HDGFL3: variants seen among roughly 807,000 people sequenced by gnomAD.
HDGFL3 encodes HDGF like 3.
HDGFL3 carries 6 observed loss-of-function variants against 27.6 expected under a neutral mutation model. That is an observed-to-expected ratio of 0.22 (90% CI 0.12 to 0.43). HDGFL3 has a LOEUF of 0.43. Ranked by LOEUF, HDGFL3 falls within the 20% of genes least tolerant of loss-of-function variation. HDGFL3 has a pLI of 1.00. For synonymous variants in HDGFL3, 88 were observed against 88.9 expected, an observed-to-expected ratio of 0.99 and a Z score of 0.05; for missense variants, 207 against 250.1, an observed-to-expected ratio of 0.83 and a Z score of 1.16.
downstream of HDGFL3, chr15:83,126,890 T>C (rs2035803418): frequency 6.5e-7 from 1 of 1,532,764 alleles, no homozygotes; most frequent in East Asian, 2.3e-5. Context: ...AAATTAATTT[T>C]CTTTTTAAAA....
chr15:83,143,349 T>C (rs554963574), intron 5 of HDGFL3, among the ~76,000 whole-genome samples: 52 of 151,830 alleles, frequency 3.4e-4, no homozygotes, highest in African/African-American at 1.3e-3. Flanking sequence ...CTTTGGGAGG[T>C]TGAGGCGGGC....
chr15:83,160,557 A>T (rs868238418), intron 2 of HDGFL3, among the ~76,000 whole-genome samples: 3 of 140,286 alleles, frequency 2.1e-5, no homozygotes, highest in Non-Finnish European at 4.7e-5. Flanking sequence ...TGGGGGGGGA[A>T]CAATATTTGG....
At chr15:83,195,781 GA>G (rs906945628) in intron 1 of HDGFL3, among the ~76,000 whole-genome samples, 6 of 151,870 alleles carry the variant, frequency 4.0e-5, no homozygotes, top group East Asian at 1.9e-4. Context: ...TGAAAAAAGG[GA>G]AAAAAATCTC....
At chr15:83,188,190 C>G (rs1438963609) in intron 1 of HDGFL3, among the ~76,000 whole-genome samples, 1 of 152,146 alleles carries the variant, frequency 6.6e-6, no homozygotes, top group Non-Finnish European at 1.5e-5. Flanking sequence ...TACTGGCCAT[C>G]AAGATTTGCC....
rs2151377740 is a variant in HDGFL3 at position 83,128,078 on chromosome 15, CAAAT to C, written c.*11188_*11191del. The C allele has an allele frequency of 6.6e-6, 1 of 152,276 alleles. No individual in the cohort carries two copies. Among genetic ancestry groups the C allele is most frequent in the South Asian group, 2.1e-4 (1 of 4,828 alleles). The allele number at this position is 152,276 out of a possible 1,614,324, so 9.4% of individuals were successfully genotyped here. On this transcript the variant is annotated 3_prime_UTR_variant, in exon 6 of 6. Coordinates refer to ENST00000299633, the MANE Select transcript of HDGFL3 (RefSeq NM_016073.4). ...CATTTTTACAAGATAATTAGCAAAA[CAAAT>C]CAATCTTCTGAACAAGGAAGAAAAT... is the stretch of plus-strand genomic sequence containing the variant.
rs1303864821 is a variant in HDGFL3, at chr15:83,129,491, A to G, written c.*9779T>C. The G allele has an allele frequency of 2.6e-5, 4 of 152,116 alleles. No homozygotes were observed. Among genetic ancestry groups the G allele is most frequent in the Admixed American group, 6.5e-5 (1 of 15,280 alleles). The allele number at this position is 152,116 out of a possible 1,614,324, so 9.4% of individuals were successfully genotyped here. ...TAATATCTTTTGTAATAGCTCTGGG[A>G]AAAAAACCCCAATTTAAAGATGAGG... On this transcript the variant is annotated 3_prime_UTR_variant, in exon 6 of 6. Coordinates refer to ENST00000299633, the MANE Select transcript of HDGFL3 (RefSeq NM_016073.4).
intron 1 of HDGFL3, among the ~76,000 whole-genome samples, chr15:83,182,422 G>GC (rs1172278636): frequency 2.0e-5 from 3 of 152,282 alleles, no homozygotes; most frequent in Non-Finnish European, 2.9e-5. Flanking sequence ...TCTGGAAATA[G>GC]CCCAGGTGTC....
In HDGFL3 at chr15:83,132,627, C is replaced by T. The variant is rs771516155; in HGVS notation, c.*6643G>A. 6.6e-6 allele frequency: 1 copy of T among 152,108 alleles called. No homozygotes were observed. The highest frequency in any genetic ancestry group is 1.5e-5 in the Non-Finnish European group (1 of 68,034). 9.4% of individuals were successfully genotyped at this position (152,108 alleles called of 1,614,324 possible). On this transcript the variant is annotated 3_prime_UTR_variant, in exon 6 of 6. Coordinates refer to ENST00000299633, the MANE Select transcript of HDGFL3 (RefSeq NM_016073.4). ...CAGGCTGGTCTCAAACTCCTGGACT[C>T]AAGTGACCCTCCCGCCTTGGCATCC...
chr15:83,116,626 GC>G (rs2034682352), intron 3 of HDGFL3, among the ~76,000 whole-genome samples: 1 of 152,346 alleles, frequency 6.6e-6, no homozygotes, highest in African/African-American at 2.4e-5. Flanking sequence ...AATACAGGCA[GC>G]TCTGGGAAGG....
chr15:83,175,975 GCA>G (rs2037305266), intron 1 of HDGFL3, among the ~76,000 whole-genome samples: 1 of 152,250 alleles, frequency 6.6e-6, no homozygotes, highest in Admixed American at 6.5e-5. Context: ...TTCTGGTTCT[GCA>G]CAGACAGTAA....
At chr15:83,192,242 T>G (rs542445325) in intron 1 of HDGFL3, 44 of 453,884 alleles carry the variant, frequency 9.7e-5, no homozygotes, top group Non-Finnish European at 1.8e-4. Context: ...GTGCCTGACC[T>G]GTAACTCACC....
At chr15:83,178,111 G>C (rs2037335013) in intron 1 of HDGFL3, among the ~76,000 whole-genome samples, 1 of 152,160 alleles carries the variant, frequency 6.6e-6, no homozygotes, top group East Asian at 1.9e-4. Context: ...TATTTGCTTT[G>C]AACTATAATA....
chr15:83,163,966 C>A (rs762148040), intron 2 of HDGFL3, 33 bp downstream of exon 2: 9 of 1,384,194 alleles, frequency 6.5e-6, no homozygotes, highest in Non-Finnish European at 9.3e-6. Context: ...CAGAGTCAAG[C>A]TAGAGCTGTT....
At chr15:83,174,226 C>T (rs528178858) in intron 1 of HDGFL3, among the ~76,000 whole-genome samples, 2 of 151,986 alleles carry the variant, frequency 1.3e-5, no homozygotes, top group Admixed American at 6.6e-5. Context: ...GTTTTTCTTC[C>T]TACTTTAATT....
At chr15:83,164,703 T>C (rs1320371586) in intron 1 of HDGFL3, among the ~76,000 whole-genome samples, 2 of 152,210 alleles carry the variant, frequency 1.3e-5, no homozygotes, top group African/African-American at 2.4e-5. Flanking sequence ...AATAAAGATA[T>C]TTCAGCCCTT....
At chr15:83,198,620 A>C (rs924285894) in intron 1 of HDGFL3, among the ~76,000 whole-genome samples, 1 of 152,192 alleles carries the variant, frequency 6.6e-6, no homozygotes, top group Non-Finnish European at 1.5e-5. Context: ...GGAAAGTATA[A>C]GCATGGTACC....
intron 1 of HDGFL3, among the ~76,000 whole-genome samples, chr15:83,170,182 T>G (rs974737319): frequency 6.6e-6 from 1 of 152,170 alleles, no homozygotes; most frequent in African/African-American, 2.4e-5. Flanking sequence ...CCTATCAAAC[T>G]ACCAAGATCA....
At chr15:83,203,791 TTC>T (rs1877294742) in intron 1 of HDGFL3, among the ~76,000 whole-genome samples, 1 of 147,852 alleles carries the variant, frequency 6.8e-6, no homozygotes, top group Non-Finnish European at 1.5e-5. Context: ...CCCTTTTAGT[TTC>T]TTTTTGTGTT....
Position 83,135,864 on chromosome 15 carries a change from A to G in HDGFL3, c.*3406T>C, listed in dbSNP as rs926264898. On this transcript the variant is annotated 3_prime_UTR_variant, in exon 6 of 6. Transcript: ENST00000299633. ...TTGGTAACAACCTTATCTTACAAAC[A>G]ACCCTTAATATTTTAAAAGCTGCAG... The G allele has an allele frequency of 6.6e-6, 1 of 152,204 alleles. No individual in the cohort carries two copies. Among genetic ancestry groups the G allele is most frequent in the Non-Finnish European group, 1.5e-5 (1 of 68,030 alleles). 9.4% of individuals were successfully genotyped at this position (152,204 alleles called of 1,614,324 possible).
Sources: gnomAD v4.1 joint callset for allele counts (sites outside exome capture counted in the v4.1 genomes callset) on GRCh38, gnomAD v4.1.1 for gene constraint, MANE v1.5 for transcripts, NCBI Gene and HGNC (gene_info 2026-07-23, HGNC 2026-07-21) for gene names.